RAET1E: variants seen among roughly 807,000 people sequenced by gnomAD.
RAET1E encodes the protein retinoic acid early transcript 1E, also known as NKG2D ligand 4.
A neutral mutation model predicts 21.1 loss-of-function variants in RAET1E; 27 were observed. That is an observed-to-expected ratio of 1.28 (90% CI 0.94 to 1.76). RAET1E has a LOEUF of 1.76. RAET1E is among the 40% of genes most tolerant of loss of function. RAET1E has a pLI of 0.00. For missense variants in RAET1E, 310 were observed against 311.3 expected (o/e 1.00, Z 0.03); for synonymous variants, 113 against 115.0 (o/e 0.98, Z 0.11).
At position 149,883,466 on chromosome 6, in the gene RAET1E, G is replaced by C. The variant is rs1481029954; in HGVS notation, c.*5032C>G. 6.6e-6 allele frequency: 1 copy of C among 152,014 alleles called. No individual in the cohort carries two copies. The highest frequency in any genetic ancestry group is 1.9e-4 in the East Asian group (1 of 5,188). 9.4% of individuals were successfully genotyped at this position (152,014 alleles called of 1,614,324 possible). On this transcript the variant is annotated 3_prime_UTR_variant, in exon 6 of 6. Coordinates refer to ENST00000357183, the MANE Select transcript of RAET1E (RefSeq NM_001394057.1). ...AATCCCAGCACTTTGAGAGGCTGAG[G>C]GGGGCAGATCACCTGAGGTCCGTAG...
chr6:149,889,911 T>G lies in RAET1E; in HGVS notation c.320A>C (p.Asp107Ala), dbSNP rs1238816336. The stretch of plus-strand genomic sequence containing the variant: ...ACTGGTCTTTATCTGGGGTTTGATG[T>G]CACAAAGGAGCATCCTGAGGTCTCG... ...VGRDLRMLLC[D>A]IKPQIKTSDP... Residue 107 changes from aspartate (D) to alanine (A), a missense_variant, in exon 4 of 6, where the codon GAC becomes GCC. Coordinates refer to ENST00000357183, the MANE Select transcript of RAET1E (RefSeq NM_001394057.1). The G allele has an allele frequency of 6.2e-7, 1 of 1,613,918 alleles. No homozygotes were observed.
chr6:149,892,456 C>A (rs185738166), intron 2 of RAET1E, among the ~76,000 whole-genome samples: 41 of 152,316 alleles, frequency 2.7e-4, no homozygotes, highest in Admixed American at 2.5e-3. Flanking sequence ...CTCTAACGAC[C>A]AGTGATGATG....
At chr6:149,897,250 A>T (rs1420070471) in intron 1 of RAET1E, among the ~76,000 whole-genome samples, 1 of 151,984 alleles carries the variant, frequency 6.6e-6, no homozygotes, top group Non-Finnish European at 1.5e-5. Flanking sequence ...GCCCAGGCTG[A>T]TCTCGAACTC....
chr6:149,891,484 T>TTGTGTGTGTGTGTGTGTGTG (rs58899076), intron 2 of RAET1E, among the ~76,000 whole-genome samples: 4 of 149,800 alleles, frequency 2.7e-5, no homozygotes, highest in African/African-American at 7.5e-5. Context: ...CAGATGGGTT[T>TTGTGTGTGTGTGTGTGTGTG]TGTGTGTGTG....
In RAET1E at chr6:149,886,393, T is replaced by G. The variant is rs1777610101; in HGVS notation, c.*2105A>C. 6.6e-6 allele frequency among the ~76,000 whole-genome samples: 1 copy of G among 152,080 alleles called. No individual in the cohort carries two copies. The highest frequency in any genetic ancestry group is 2.1e-4 in the South Asian group (1 of 4,824). On this transcript the variant is annotated 3_prime_UTR_variant, in exon 6 of 6. Transcript: ENST00000357183. ...TTAACCCTTTACATATGTTGAGATTTATTTATTTATTTATTTATTGAGATG... is the reference window on the plus strand; with the variant it reads ...TTAACCCTTTACATATGTTGAGATTGATTTATTTATTTATTTATTGAGATG...
intron 2 of RAET1E, among the ~76,000 whole-genome samples, chr6:149,893,512 T>G (rs925962861): frequency 2.6e-5 from 4 of 152,208 alleles, no homozygotes; most frequent in African/African-American, 9.7e-5. Flanking sequence ...TGTCTGTTAT[T>G]GTTGCATAGG....
chr6:149,895,702 A>G (rs1778089931), intron 2 of RAET1E, 144 bp downstream of exon 2: 1 of 152,246 alleles, frequency 6.6e-6, no homozygotes, highest in African/African-American at 2.4e-5. Context: ...AGTTTTCCTC[A>G]TAAAACTTAG....
intron 2 of RAET1E, among the ~76,000 whole-genome samples, chr6:149,891,339 C>T (rs1395343811): frequency 2.0e-5 from 3 of 152,036 alleles, no homozygotes; most frequent in East Asian, 1.9e-4. Flanking sequence ...TTTCTCCCAT[C>T]GCCATTCTCC....
At chr6:149,889,750 C>G in intron 4 of RAET1E, 127 bp from the exon 5 acceptor site, 2 of 1,469,628 alleles carry the variant, frequency 1.4e-6, no homozygotes, top group Non-Finnish European at 9.3e-7. Context: ...CCTTTCCTGC[C>G]CATTGGGTCC....
At chr6:149,894,086 A>G (rs1313950370) in intron 2 of RAET1E, among the ~76,000 whole-genome samples, 1 of 152,112 alleles carries the variant, frequency 6.6e-6, no homozygotes, top group African/African-American at 2.4e-5. Flanking sequence ...TTTTGATGTA[A>G]TGCTGGGTTC....
Position 149,888,142 on chromosome 6 carries a change from A to C in RAET1E, c.*356T>G, listed in dbSNP as rs73782114. The C allele has an allele frequency of 3.2e-5, 17 of 537,718 alleles. No homozygotes were observed. The highest frequency in any genetic ancestry group is 2.5e-4 in the South Asian group (17 of 68,490). 33.3% of individuals were successfully genotyped at this position (537,718 alleles called of 1,614,324 possible). ...ATCTGGGAGTAAATGCTGCAGCCAC[A>C]AGCGCCACCAGCAAGTCTTCTCAGG... On this transcript the variant is annotated 3_prime_UTR_variant, in exon 6 of 6. Coordinates refer to ENST00000357183, the MANE Select transcript of RAET1E (RefSeq NM_001394057.1).
intron 5 of RAET1E, 29 bp from the exon 6 acceptor site, chr6:149,888,696 G>C (rs753357714): frequency 2.0e-6 from 3 of 1,505,378 alleles, no homozygotes; most frequent in Non-Finnish European, 8.7e-7. Context: ...AGAAAAAAAA[G>C]CACAAGCCCT....
In RAET1E at chr6:149,890,998, G is replaced by T; in HGVS notation, c.-97C>A. 2.3e-6 allele frequency: 2 copies of T among 859,546 alleles called. No individual in the cohort carries two copies. The highest frequency in any genetic ancestry group is 1.9e-6 in the Non-Finnish European group (1 of 518,332). 53.2% of individuals were successfully genotyped at this position (859,546 alleles called of 1,614,324 possible). A position where few individuals can be genotyped will look rare whatever the true frequency, so the allele number is the denominator to read the frequency against. On this transcript the variant is annotated 5_prime_UTR_variant, in exon 3 of 6. Transcript: ENST00000357183. ...ATCCAACAGCGTGGGTGTGGGCACT[G>T]CCCAAATTCTTTACCCTGGAACAAC...
At chr6:149,892,977 G>A (rs975115464) in intron 2 of RAET1E, among the ~76,000 whole-genome samples, 2 of 152,194 alleles carry the variant, frequency 1.3e-5, no homozygotes, top group Middle Eastern at 3.2e-3. Flanking sequence ...TTTCCCCATT[G>A]CTTGTGTGTG....
rs1777513168 is a variant in RAET1E, at chr6:149,884,279, T to C, written c.*4219A>G. On this transcript the variant is annotated 3_prime_UTR_variant, in exon 6 of 6. Coordinates refer to ENST00000357183, the MANE Select transcript of RAET1E (RefSeq NM_001394057.1). ...AGATGTGAGCTGCTGTGCCCAGCCC[T>C]ATCTTTTAAAAAATATGTACTGAAA... 5 of 555,012 alleles carry C rather than the reference T, an allele frequency of 9.0e-6. No homozygotes were observed. Among genetic ancestry groups the C allele is most frequent in the Non-Finnish European group, 1.6e-5 (5 of 308,344 alleles). 34.4% of individuals were successfully genotyped at this position (555,012 alleles called of 1,614,324 possible). A position where few individuals can be genotyped will look rare whatever the true frequency, so the allele number is the denominator to read the frequency against.
At chr6:149,891,394 T>A (rs1199991694) in intron 2 of RAET1E, among the ~76,000 whole-genome samples, 5 of 152,180 alleles carry the variant, frequency 3.3e-5, no homozygotes, top group Admixed American at 3.3e-4. Context: ...TCCTCTTAAA[T>A]GGTTGAGATT....
intron 2 of RAET1E, among the ~76,000 whole-genome samples, chr6:149,892,393 C>T (rs1379307049): frequency 6.6e-6 from 1 of 152,192 alleles, no homozygotes; most frequent in African/African-American, 2.4e-5. Context: ...TTTTAATGAA[C>T]GTCATTCTAA....
chr6:149,895,719 T>C (rs1778090707), intron 2 of RAET1E, 127 bp downstream of exon 2: 1 of 152,264 alleles, frequency 6.6e-6, no homozygotes, highest in African/African-American at 2.4e-5. Context: ...TTAGTATCTG[T>C]AGACCCCCTT....
At chr6:149,889,788 T>A in intron 4 of RAET1E, 97 bp downstream of exon 4, 1 of 1,511,990 alleles carries the variant, frequency 6.6e-7, no homozygotes, top group Non-Finnish European at 9.0e-7. Flanking sequence ...GGGCCAATGA[T>A]CAATACACAG....
Sources: allele counts gnomAD v4.1 joint callset (sites outside exome capture counted in the v4.1 genomes callset), GRCh38; gene constraint gnomAD v4.1.1; transcripts MANE v1.5; gene names NCBI Gene and HGNC (gene_info 2026-07-23, HGNC 2026-07-21).